METTL22: variants seen among roughly 807,000 people sequenced by gnomAD.
The protein encoded by METTL22 is methyltransferase 22, Kin17 lysine.
In METTL22, 51 loss-of-function variants were observed where a neutral mutation model predicts 48.4. The observed-to-expected ratio is 1.05, with a 90% CI of 0.84 to 1.33. The LOEUF is 1.33. METTL22 is among the 40% of genes most tolerant of loss of function. The pLI, the probability that METTL22 is intolerant of heterozygous loss-of-function variation, is 0.00. For missense variants in METTL22, 678 were observed against 526.9 expected (o/e 1.29, Z -2.81); for synonymous variants, 255 against 214.1 (o/e 1.19, Z -1.67).
chr16:8,649,804 C>A (rs2056866710), downstream of METTL22: 2 of 45,730 alleles, frequency 4.4e-5, no homozygotes, highest in South Asian at 2.1e-3. Context: ...AACTCCGTCT[C>A]AAAAGAAATT....
At chr16:8,626,541 C>G (rs760208618) in intron 2 of METTL22, among the ~76,000 whole-genome samples, 1 of 151,114 alleles carries the variant, frequency 6.6e-6, no homozygotes, top group Non-Finnish European at 1.5e-5. Flanking sequence ...CTCCGCCTCC[C>G]GGGTTCAAGC....
chr16:8,642,057 C>T (rs1324775942), intron 7 of METTL22, 70 bp from the exon 8 acceptor site: 40 of 1,233,918 alleles, frequency 3.2e-5, no homozygotes, highest in Non-Finnish European at 4.4e-5. Context: ...GCCTTTTGGT[C>T]AGTCCCAGTG....
At chr16:8,642,703 T>G (rs892336724) in intron 9 of METTL22, 138 bp downstream of exon 9, 6 of 821,972 alleles carry the variant, frequency 7.3e-6, no homozygotes, top group Non-Finnish European at 1.0e-5. Flanking sequence ...GCCAGGTCTG[T>G]GCTCATCCTT....
chr16:8,663,201 C>G, the METTL22 span, among the ~76,000 whole-genome samples: 1 of 59,370 alleles, frequency 1.7e-5, no homozygotes, highest in African/African-American at 7.0e-5. Context: ...AGCAAAACTC[C>G]GTCTCAAAAA....
At chr16:8,631,527 A>G (rs980284299) in intron 3 of METTL22, 1 of 152,258 alleles carries the variant, frequency 6.6e-6, no homozygotes, top group Admixed American at 6.5e-5. Context: ...GAGACAGCAC[A>G]TACAAAGCTC....
At chr16:8,645,168 T>C (rs1180880415) in intron 10 of METTL22, 1 of 154,554 alleles carries the variant, frequency 6.5e-6, no homozygotes, top group Admixed American at 6.5e-5. Context: ...TTCTATTAAC[T>C]GGAGTCCAAA....
chr16:8,641,939 A>G, intron 7 of METTL22, 188 bp from the exon 8 acceptor site: 1 of 623,844 alleles, frequency 1.6e-6, no homozygotes, highest in Non-Finnish European at 2.9e-6. Context: ...CACCTCTTCC[A>G]CCATGACTCT....
At chr16:8,650,332 G>GA (rs924111829), downstream of METTL22, among the ~76,000 whole-genome samples, 14 of 151,350 alleles carry the variant, frequency 9.3e-5, no homozygotes, top group East Asian at 1.9e-4. Flanking sequence ...TATTTCTAAA[G>GA]AAAAAAAAAC....
chr16:8,657,618 T>C, the METTL22 span, among the ~76,000 whole-genome samples: 1 of 152,164 alleles, frequency 6.6e-6, no homozygotes, highest in African/African-American at 2.4e-5. Flanking sequence ...TTCCACCTTT[T>C]TGAAACTATA....
chr16:8,637,748 C>T (rs1178843985), intron 5 of METTL22, among the ~76,000 whole-genome samples: 1 of 152,236 alleles, frequency 6.6e-6, no homozygotes, highest in Non-Finnish European at 1.5e-5. Context: ...GCACTCAGGG[C>T]ACCAGGGCTC....
At chr16:8,636,399 G>A (rs1412178953) in intron 5 of METTL22, among the ~76,000 whole-genome samples, 1 of 151,924 alleles carries the variant, frequency 6.6e-6, no homozygotes, top group African/African-American at 2.4e-5. Flanking sequence ...ACCAGATGTG[G>A]TAGCGGCGGG....
At chr16:8,642,252 T>C (rs771719259) in intron 8 of METTL22, 45 bp downstream of exon 8, 1 of 1,527,184 alleles carries the variant, frequency 6.5e-7, no homozygotes, top group Non-Finnish European at 9.1e-7. Context: ...TGTTGTAGCA[T>C]GAAGTCAAGT....
chr16:8,628,081 C>A (rs962777485), intron 2 of METTL22, among the ~76,000 whole-genome samples: 1 of 152,228 alleles, frequency 6.6e-6, no homozygotes, highest in Non-Finnish European at 1.5e-5. Context: ...AGTTTGCTCA[C>A]CCCTGCCTTA....
Position 8,625,569 on chromosome 16 carries a change from G to C in METTL22, c.-97G>C, listed in dbSNP as rs1025631857. 1 of 1,268,206 alleles carries C rather than the reference G, an allele frequency of 7.9e-7. No individual in the cohort carries two copies. Among genetic ancestry groups the C allele is most frequent in the Admixed American group, 2.1e-5 (1 of 46,676 alleles). 78.6% of individuals were successfully genotyped at this position (1,268,206 alleles called of 1,614,324 possible). A position where few individuals can be genotyped will look rare whatever the true frequency, so the allele number is the denominator to read the frequency against. ...TGCAAAGCTACTCGCTACCAGCTTG[G>C]ACCTGTCTGCAGTATCTCCTCTGGG... is the stretch of plus-strand genomic sequence containing the variant. On this transcript the variant is annotated 5_prime_UTR_variant, in exon 2 of 11. Transcript: ENST00000381920.
chr16:8,634,472 A>G (rs2056362748), intron 3 of METTL22, among the ~76,000 whole-genome samples: 2 of 152,180 alleles, frequency 1.3e-5, no homozygotes, highest in African/African-American at 4.8e-5. Flanking sequence ...TATATTATAA[A>G]TACAAAATAT....
chr16:8,663,934 C>A, the METTL22 span, among the ~76,000 whole-genome samples: 9 of 152,182 alleles, frequency 5.9e-5, no homozygotes, highest in African/African-American at 2.2e-4. Flanking sequence ...CCTCTACCCA[C>A]CGGATGCCAG....
the METTL22 span, among the ~76,000 whole-genome samples, chr16:8,661,700 G>T: frequency 7.1e-6 from 1 of 140,030 alleles, no homozygotes; most frequent in Non-Finnish European, 1.5e-5. Context: ...CAACAACTTT[G>T]TACTCATATT....
intron 2 of METTL22, 29 bp downstream of exon 2, chr16:8,625,827 G>C: frequency 6.2e-7 from 1 of 1,611,256 alleles, no homozygotes; most frequent in Non-Finnish European, 8.5e-7. Flanking sequence ...GTGCCCTGCG[G>C]ATCCTATTTT....
intron 2 of METTL22, among the ~76,000 whole-genome samples, chr16:8,626,499 A>C (rs1052440447): frequency 1.4e-5 from 2 of 142,810 alleles, no homozygotes; most frequent in African/African-American, 5.3e-5. Flanking sequence ...CCCAGGGGGC[A>C]GTGCAGTGGC....
Sources: gnomAD v4.1 joint callset for allele counts (sites outside exome capture counted in the v4.1 genomes callset) on GRCh38, gnomAD v4.1.1 for gene constraint, MANE v1.5 for transcripts, NCBI Gene and HGNC (gene_info 2026-07-23, HGNC 2026-07-21) for gene names.